Variants in GRM8 observed in about 807,000 individuals in gnomAD.
GRM8 encodes glutamate metabotropic receptor 8.
Under a neutral mutation model 87.2 loss-of-function variants are expected in GRM8, and 47 were observed. The ratio of observed to expected loss-of-function variants is 0.54; its 90% CI spans 0.43 to 0.69. The LOEUF (loss-of-function observed/expected upper bound fraction) is 0.69, where lower values mean the gene tolerates loss of function less well. Ranked by LOEUF, GRM8 falls within the 30% of genes least tolerant of loss-of-function variation. The pLI is 0.00. For missense variants in GRM8, 1,019 were observed against 1,139.2 expected, an observed-to-expected ratio of 0.89 and a Z score of 1.52; for synonymous variants, 396 against 404.5, an observed-to-expected ratio of 0.98 and a Z score of 0.25.
At chr7:126,748,755 T>C (rs143268296) in intron 7 of GRM8, among the ~76,000 whole-genome samples, 2 of 152,104 alleles carry the variant, frequency 1.3e-5, no homozygotes, top group African/African-American at 4.8e-5. Flanking sequence ...AAAACTATAA[T>C]AATCTAGTCA....
intron 7 of GRM8, among the ~76,000 whole-genome samples, chr7:126,714,000 G>A (rs1365995377): frequency 1.3e-5 from 2 of 151,412 alleles, no homozygotes; most frequent in African/African-American, 2.4e-5. Flanking sequence ...GGCTGGGCAC[G>A]GTGGCTCACA....
chr7:126,443,549 C>T (rs1293019546), intron 10 of GRM8, among the ~76,000 whole-genome samples: 3 of 152,004 alleles, frequency 2.0e-5, no homozygotes, highest in Non-Finnish European at 4.4e-5. Context: ...AATCACTTTA[C>T]TTCGGCCCAA....
At chr7:126,627,897 G>A (rs979279911) in intron 7 of GRM8, among the ~76,000 whole-genome samples, 5 of 152,018 alleles carry the variant, frequency 3.3e-5, no homozygotes, top group Non-Finnish European at 7.4e-5. Flanking sequence ...TATTGGATTC[G>A]ATCTGCTAAT....
At chr7:127,031,309 T>A (rs1259602225) in intron 3 of GRM8, among the ~76,000 whole-genome samples, 1 of 152,152 alleles carries the variant, frequency 6.6e-6, no homozygotes, top group Non-Finnish European at 1.5e-5. Flanking sequence ...TGGTATCATA[T>A]TATTTGTCAT....
At chr7:127,216,256 C>T (rs1428970771) in intron 2 of GRM8, among the ~76,000 whole-genome samples, 1 of 152,052 alleles carries the variant, frequency 6.6e-6, no homozygotes, top group Non-Finnish European at 1.5e-5. Context: ...TGGTGGCTCA[C>T]GCCTGTAATC....
At chr7:127,060,479 AT>A (rs1341087382) in intron 3 of GRM8, among the ~76,000 whole-genome samples, 3 of 152,178 alleles carry the variant, frequency 2.0e-5, no homozygotes, top group Non-Finnish European at 4.4e-5. Context: ...TTTATACAAA[AT>A]TTTATCATGA....
At chr7:126,671,787 T>TC (rs1022709083) in intron 7 of GRM8, among the ~76,000 whole-genome samples, 16 of 152,284 alleles carry the variant, frequency 1.1e-4, no homozygotes, top group African/African-American at 3.9e-4. Flanking sequence ...CTAAGTGTCA[T>TC]CCACCGAAAT....
chr7:127,094,914 T>C (rs1487010009), intron 3 of GRM8, among the ~76,000 whole-genome samples: 1 of 152,184 alleles, frequency 6.6e-6, no homozygotes, highest in Non-Finnish European at 1.5e-5. Context: ...TCACATTTAT[T>C]CATTTGTATG....
At chr7:126,902,261 G>A (rs186633674) in intron 6 of GRM8, among the ~76,000 whole-genome samples, 5 of 152,198 alleles carry the variant, frequency 3.3e-5, no homozygotes, top group African/African-American at 1.2e-4. Flanking sequence ...ACCTAATAAA[G>A]TACATTTTCC....
intron 7 of GRM8, among the ~76,000 whole-genome samples, chr7:126,743,468 T>C (rs1815255779): frequency 6.6e-6 from 1 of 152,112 alleles, no homozygotes; most frequent in African/African-American, 2.4e-5. Context: ...CTAAATTATA[T>C]TTCAATCACA....
chr7:127,131,430 T>A (rs758991088), intron 2 of GRM8, among the ~76,000 whole-genome samples: 10 of 152,318 alleles, frequency 6.6e-5, no homozygotes, highest in Non-Finnish European at 1.3e-4. Flanking sequence ...TGTTTTGATT[T>A]TTGATATAAA....
At chr7:127,126,582 G>T (rs1827386357) in intron 2 of GRM8, among the ~76,000 whole-genome samples, 1 of 151,924 alleles carries the variant, frequency 6.6e-6, no homozygotes, top group Non-Finnish European at 1.5e-5. Flanking sequence ...TATATAATAT[G>T]TCCATGTAAC....
intron 6 of GRM8, among the ~76,000 whole-genome samples, chr7:126,812,121 T>A (rs1415940109): frequency 6.6e-6 from 1 of 151,940 alleles, no homozygotes; most frequent in Non-Finnish European, 1.5e-5. Flanking sequence ...CCCATAAATT[T>A]ATACAAATAG....
chr7:126,696,698 T>G (rs1017206293), intron 7 of GRM8, among the ~76,000 whole-genome samples: 8 of 151,998 alleles, frequency 5.3e-5, no homozygotes, highest in Non-Finnish European at 1.2e-4. Context: ...AGAAGGGACG[T>G]GGGAAGGAAC....
At chr7:126,605,778 T>A (rs1429890996) in intron 8 of GRM8, among the ~76,000 whole-genome samples, 2 of 152,128 alleles carry the variant, frequency 1.3e-5, no homozygotes, top group East Asian at 3.9e-4. Flanking sequence ...CCTGTCAGTA[T>A]CCTCCTTTGG....
intron 6 of GRM8, among the ~76,000 whole-genome samples, chr7:126,880,174 A>G (rs1412957618): frequency 6.6e-6 from 1 of 152,256 alleles, no homozygotes; most frequent in East Asian, 1.9e-4. Context: ...AGATGAATAA[A>G]TAAATTGGTG....
At chr7:126,966,509 TG>T (rs1475044917) in intron 3 of GRM8, among the ~76,000 whole-genome samples, 8 of 152,150 alleles carry the variant, frequency 5.3e-5, no homozygotes, top group Non-Finnish European at 4.4e-5. Context: ...TCAGCTTGCA[TG>T]CTGGAAATTT....
intron 8 of GRM8, among the ~76,000 whole-genome samples, chr7:126,572,388 T>A (rs897687930): frequency 3.9e-5 from 6 of 152,150 alleles, no homozygotes; most frequent in Non-Finnish European, 2.9e-5. Context: ...CAAAGAAATA[T>A]TCCAATGCTG....
chr7:126,783,617 T>C (rs557624521), intron 6 of GRM8, among the ~76,000 whole-genome samples: 3 of 152,270 alleles, frequency 2.0e-5, no homozygotes, highest in South Asian at 2.1e-4. Flanking sequence ...AAAGAAAACA[T>C]GTAGAAATCA....
Sources: gnomAD v4.1 joint callset for allele counts (sites outside exome capture counted in the v4.1 genomes callset) on GRCh38, gnomAD v4.1.1 for gene constraint, MANE v1.5 for transcripts, NCBI Gene and HGNC (gene_info 2026-07-23, HGNC 2026-07-21) for gene names.